Variants in SLC12A6 observed in about 807,000 individuals in gnomAD.
The protein encoded by SLC12A6 is solute carrier family 12 member 6, also known as K-Cl cotransporter 3.
Under a neutral mutation model 135.3 loss-of-function variants are expected in SLC12A6, and 66 were observed. The ratio of observed to expected loss-of-function variants is 0.49; its 90% CI spans 0.40 to 0.60. The LOEUF is 0.60. Among genes scored for constraint, SLC12A6 ranks in the 20% least tolerant of loss-of-function variants. The pLI is 0.00. For synonymous variants in SLC12A6, 513 were observed against 508.8 expected, an observed-to-expected ratio of 1.01 and a Z score of -0.11; for missense variants, 1,058 against 1,452.3, an observed-to-expected ratio of 0.73 and a Z score of 4.41.
At chr15:34,295,546 T>C (rs955430304) in intron 2 of SLC12A6, among the ~76,000 whole-genome samples, 3 of 152,202 alleles carry the variant, frequency 2.0e-5, no homozygotes, top group Non-Finnish European at 4.4e-5. Context: ...TGTAGTACAA[T>C]AGTACTGTGG....
intron 2 of SLC12A6, among the ~76,000 whole-genome samples, chr15:34,320,006 G>A (rs1207499250): frequency 2.0e-5 from 3 of 151,986 alleles, no homozygotes; most frequent in Admixed American, 6.6e-5. Flanking sequence ...CTCAGCTGAC[G>A]ACTTTAGAGT....
intron 2 of SLC12A6, among the ~76,000 whole-genome samples, chr15:34,335,938 T>C (rs574993266): frequency 5.8e-4 from 89 of 152,288 alleles, no homozygotes; most frequent in African/African-American, 2.0e-3. Flanking sequence ...AAAAAGAATT[T>C]TGCAATACAC....
intron 2 of SLC12A6, among the ~76,000 whole-genome samples, chr15:34,335,370 TAA>T: frequency 6.6e-6 from 1 of 152,296 alleles, no homozygotes; most frequent in Admixed American, 6.5e-5. Flanking sequence ...CCCTTTAGGT[TAA>T]AAGGAACAAT....
chr15:34,284,277 C>CTTTTTTTTTTTTTTTTTTTTTTTTTT (rs71415558), intron 2 of SLC12A6, among the ~76,000 whole-genome samples: 2 of 92,490 alleles, frequency 2.2e-5, no homozygotes, highest in Non-Finnish European at 4.0e-5. Flanking sequence ...TGTTTCTTTT[C>CTTTTTTTTTTTTTTTTTTTTTTTTTT]TTTTTTTTTT....
At chr15:34,251,481 T>C (rs537675371) in intron 10 of SLC12A6, among the ~76,000 whole-genome samples, 1 of 152,160 alleles carries the variant, frequency 6.6e-6, no homozygotes, top group Non-Finnish European at 1.5e-5. Context: ...TCTCCTGACC[T>C]CATGATCCTC....
chr15:34,270,992 A>C (rs1392595648), intron 3 of SLC12A6, among the ~76,000 whole-genome samples: 2 of 152,094 alleles, frequency 1.3e-5, no homozygotes, highest in Admixed American at 6.5e-5. Flanking sequence ...GATGCTTATA[A>C]AACCATCAGA....
intron 2 of SLC12A6, chr15:34,299,652 G>A (rs1398152847): frequency 1.3e-5 from 2 of 152,150 alleles, no homozygotes; most frequent in South Asian, 2.1e-4. Context: ...TTGTTTGCTA[G>A]GTAACTGAAG....
In SLC12A6 at chr15:34,249,504, C is replaced by A. The variant is rs150334566; in HGVS notation, c.1649+794G>T. 5.4e-3 allele frequency among the ~76,000 whole-genome samples: 818 copies of A among 152,214 alleles called. 12 individuals are homozygous for A. Among genetic ancestry groups the A allele is most frequent in the African/African-American group, 0.018 (763 of 41,526 alleles). On this transcript the variant is annotated intron_variant, in intron 13 of 25. Transcript: ENST00000354181. ...ATTACTTGAGCCCAGGAGGTTGAGGCTGTAGGGAGCTGTCACTGCACCACT... is the reference window on the plus strand; with the variant it reads ...ATTACTTGAGCCCAGGAGGTTGAGGATGTAGGGAGCTGTCACTGCACCACT...
At chr15:34,322,976 C>T (rs1889206837) in intron 2 of SLC12A6, among the ~76,000 whole-genome samples, 1 of 42,560 alleles carries the variant, frequency 2.3e-5, no homozygotes, top group Admixed American at 3.4e-4. Flanking sequence ...GAAACTCTGT[C>T]TCAAAAAAAA....
chr15:34,268,238 T>C (rs189530914), intron 3 of SLC12A6, among the ~76,000 whole-genome samples: 21 of 152,340 alleles, frequency 1.4e-4, no homozygotes, highest in African/African-American at 4.3e-4. Context: ...TGTCTTATTA[T>C]CATCAGACAG....
At chr15:34,255,169 C>T in intron 8 of SLC12A6, 93 bp downstream of exon 8, 2 of 1,039,810 alleles carry the variant, frequency 1.9e-6, no homozygotes, top group South Asian at 1.3e-5. Context: ...TGATTTATTC[C>T]CACAGCTGAT....
intron 2 of SLC12A6, among the ~76,000 whole-genome samples, chr15:34,324,342 A>G (rs1889322663): frequency 1.3e-5 from 2 of 152,232 alleles, no homozygotes; most frequent in South Asian, 4.1e-4. Context: ...AGGTCAGGCC[A>G]GGGCAAAAGG....
chr15:34,260,673 A>G (rs903246210), intron 4 of SLC12A6, among the ~76,000 whole-genome samples: 14 of 152,380 alleles, frequency 9.2e-5, no homozygotes, highest in Non-Finnish European at 1.6e-4. Context: ...TCACAGCTGA[A>G]TTAGATTGCA....
In SLC12A6 at chr15:34,282,564, G is replaced by A. The variant is rs114612561; in HGVS notation, c.272-7175C>T. Among the ~76,000 whole-genome samples, 933 of 151,994 alleles carry A rather than the reference G, an allele frequency of 6.1e-3. 14 individuals carry two copies. The highest frequency in any genetic ancestry group is 0.021 in the African/African-American group (873 of 41,412). ...GGCCAGGAGCTTGAGGCCAGCCTGG[G>A]CAACATAGCAAGACCCCATCTCTTA... On this transcript the variant is annotated intron_variant, in intron 2 of 25. Coordinates refer to ENST00000354181, the MANE Select transcript of SLC12A6 (RefSeq NM_001365088.1).
At chr15:34,240,530 A>C in intron 19 of SLC12A6, 131 bp downstream of exon 19, 1 of 766,312 alleles carries the variant, frequency 1.3e-6, no homozygotes. Flanking sequence ...GTGTCCTTTC[A>C]AAGGTCAGCA....
At chr15:34,247,473 C>A (rs555024648) in intron 13 of SLC12A6, among the ~76,000 whole-genome samples, 1 of 151,646 alleles carries the variant, frequency 6.6e-6, no homozygotes, top group Non-Finnish European at 1.5e-5. Flanking sequence ...GCCGAGACTG[C>A]GCCACTGCAC....
intron 14 of SLC12A6, 104 bp downstream of exon 14, chr15:34,245,589 C>T (rs1468136895): frequency 1.3e-5 from 14 of 1,089,770 alleles, no homozygotes; most frequent in East Asian, 2.3e-5. Flanking sequence ...TAAAAACCCA[C>T]GTCTCCACAT....
chr15:34,250,341 C>T lies in SLC12A6; in HGVS notation c.1606G>A (p.Val536Ile), dbSNP rs1259964873. The T allele has an allele frequency of 1.3e-6, 2 of 1,593,266 alleles. No individual in the cohort carries two copies. Among genetic ancestry groups the T allele is most frequent in the African/African-American group, 1.3e-5 (1 of 74,486 alleles). The change falls in exon 13 of 26, where the codon GTC becomes ATC. Residue 536 changes from valine (V) to isoleucine (I), a missense_variant. Physicochemically the swap from Val to Ile is conservative, Grantham distance 29. Around this residue, in one of 6 missense-constraint regions of SLC12A6, gnomAD observed 297 missense variants for 318.5 expected, o/e 0.93. Coordinates refer to ENST00000354181, the MANE Select transcript of SLC12A6 (RefSeq NM_001365088.1). Reference sequence around the variant, plus strand: ...CCTTCAATACATGCACCAAAAAGGACAACATTGCTTAAATCTACCATATTG... The same window carrying T: ...CCTTCAATACATGCACCAAAAAGGATAACATTGCTTAAATCTACCATATTG... ...TTSFVYLSNV[V>I]LFGACIEGVV...
chr15:34,254,175 C>T (rs1475082507), intron 9 of SLC12A6, among the ~76,000 whole-genome samples, 173 bp downstream of exon 9: 1 of 152,166 alleles, frequency 6.6e-6, no homozygotes, highest in Non-Finnish European at 1.5e-5. Flanking sequence ...ATGAACGGGA[C>T]ATAGTTTGCT....
Sources: allele counts gnomAD v4.1 joint callset (sites outside exome capture counted in the v4.1 genomes callset), GRCh38; gene constraint gnomAD v4.1.1; regional missense constraint gnomAD v4.1.1; transcripts MANE v1.5; gene names NCBI Gene and HGNC (gene_info 2026-07-23, HGNC 2026-07-21).